Variants in RBPJ observed in about 807,000 individuals in gnomAD.
RBPJ encodes recombination signal binding protein for immunoglobulin kappa J region.
In RBPJ, 9 loss-of-function variants were observed where a neutral mutation model predicts 67.8. The ratio of observed to expected loss-of-function variants is 0.13; its 90% CI spans 0.08 to 0.23. The LOEUF (loss-of-function observed/expected upper bound fraction) is 0.23. Among genes scored for constraint, RBPJ ranks in the 10% least tolerant of loss-of-function variants. RBPJ has a pLI of 1.00. For missense variants in RBPJ, 305 were observed against 595.6 expected (o/e 0.51, Z 5.08); for synonymous variants, 198 against 203.3 (o/e 0.97, Z 0.22).
chr4:26,311,360 A>G (rs1162479132), intron 1 of RBPJ, among the ~76,000 whole-genome samples: 2 of 152,066 alleles, frequency 1.3e-5, no homozygotes, highest in African/African-American at 4.8e-5. Flanking sequence ...AACATGATCA[A>G]TTCCTATCTC....
intron 1 of RBPJ, among the ~76,000 whole-genome samples, chr4:26,307,148 TA>T (rs1722263778): frequency 6.6e-6 from 1 of 152,162 alleles, no homozygotes; most frequent in South Asian, 2.1e-4. Flanking sequence ...GGCACATCTG[TA>T]AAAACAGGAA....
At position 26,431,223 on chromosome 4, in the gene RBPJ, C is replaced by CAAAAAAAAAAAAAAAAAAGA. The variant is rs1736207811; in HGVS notation, c.*220_*221insAAAAAAAAAAAAAAGAAAAA. 1 of 348,400 alleles carries CAAAAAAAAAAAAAAAAAAGA rather than the reference C, an allele frequency of 2.9e-6. No individual in the cohort carries two copies. The highest frequency in any genetic ancestry group is 4.8e-6 in the Non-Finnish European group (1 of 207,584). 21.6% of individuals were successfully genotyped at this position (348,400 alleles called of 1,614,324 possible). A position where few individuals can be genotyped will look rare whatever the true frequency, so the allele number is the denominator to read the frequency against. On this transcript the variant is annotated 3_prime_UTR_variant, in exon 11 of 11. Transcript: ENST00000355476. ...AAAAAAAAAAAAAAGAAAAAAAAATCAAAATGTATAAATATTGGAAATCAA... is the reference window on the plus strand; with the variant it reads ...AAAAAAAAAAAAAAGAAAAAAAAATCAAAAAAAAAAAAAAAAAAGAAAAATGTATAAATATTGGAAATCAA...
rs190209735 is a variant in RBPJ, at chr4:26,379,167, G to T, written c.21-7186G>T. On this transcript the variant is annotated intron_variant, in intron 1 of 10. Transcript: ENST00000355476. ...CATGTCTTTGAAATCTACCCCATAG[G>T]ATGTGGGTTTTTTTGTTTTTGTTTT... is the stretch of plus-strand genomic sequence containing the variant. 4.9e-3 allele frequency among the ~76,000 whole-genome samples: 748 copies of T among 152,208 alleles called. 3 individuals are homozygous for T. Among genetic ancestry groups the T allele is most frequent in the Middle Eastern group, 0.01 (3 of 294 alleles).
chr4:26,337,149 T>A (rs984488396), intron 1 of RBPJ, among the ~76,000 whole-genome samples: 15 of 150,144 alleles, frequency 1.0e-4, no homozygotes, highest in East Asian at 3.9e-4. Flanking sequence ...TTTTTTTTTT[T>A]AAATAAAGAC....
chr4:26,142,408 A>G, the RBPJ span, among the ~76,000 whole-genome samples: 1 of 152,320 alleles, frequency 6.6e-6, no homozygotes, highest in Admixed American at 6.5e-5. Context: ...GATGCAGTTG[A>G]GCTCAATCCA....
At chr4:26,296,005 C>T (rs551172078) in intron 1 of RBPJ, among the ~76,000 whole-genome samples, 2 of 152,142 alleles carry the variant, frequency 1.3e-5, no homozygotes, top group African/African-American at 2.4e-5. Flanking sequence ...TATAAGAGCA[C>T]CTGAATTAAT....
At chr4:26,131,949 C>T in the RBPJ span, among the ~76,000 whole-genome samples, 10 of 152,228 alleles carry the variant, frequency 6.6e-5, no homozygotes, top group South Asian at 1.0e-3. Context: ...AGACTATTAG[C>T]GGGGTAGGGT....
intron 1 of RBPJ, among the ~76,000 whole-genome samples, chr4:26,181,364 A>G (rs1716985092): frequency 6.6e-6 from 1 of 152,222 alleles, no homozygotes; most frequent in African/African-American, 2.4e-5. Flanking sequence ...AAATTAAAGA[A>G]GACCGCATTC....
intron 1 of RBPJ, among the ~76,000 whole-genome samples, chr4:26,208,550 G>A (rs1386857917): frequency 6.6e-6 from 1 of 152,164 alleles, no homozygotes; most frequent in East Asian, 1.9e-4. Flanking sequence ...AAGTAAGAGG[G>A]AGACAAACTG....
chr4:26,248,027 C>T (rs1376059603), intron 1 of RBPJ, among the ~76,000 whole-genome samples: 2 of 152,124 alleles, frequency 1.3e-5, no homozygotes, highest in Non-Finnish European at 2.9e-5. Flanking sequence ...GGCATGGTGG[C>T]TAACTCCTAT....
chr4:26,379,767 G>A (rs139604209), intron 1 of RBPJ, among the ~76,000 whole-genome samples: 2 of 152,280 alleles, frequency 1.3e-5, no homozygotes, highest in East Asian at 3.9e-4. Context: ...AGAGATGGGG[G>A]TCTTGCTTTA....
intron 1 of RBPJ, among the ~76,000 whole-genome samples, chr4:26,271,077 T>A (rs1357137574): frequency 6.6e-6 from 1 of 152,220 alleles, no homozygotes; most frequent in Non-Finnish European, 1.5e-5. Flanking sequence ...ATTTATTTTT[T>A]AAATTTGCTT....
intron 1 of RBPJ, among the ~76,000 whole-genome samples, chr4:26,286,217 G>A (rs1410961518): frequency 2.0e-5 from 3 of 151,952 alleles, no homozygotes; most frequent in Non-Finnish European, 4.4e-5. Context: ...GATGACTAGC[G>A]CCTGTAATCC....
At chr4:26,352,990 G>A (rs1385558683) in intron 1 of RBPJ, among the ~76,000 whole-genome samples, 1 of 152,188 alleles carries the variant, frequency 6.6e-6, no homozygotes, top group East Asian at 1.9e-4. Flanking sequence ...ATAGTGGAAA[G>A]TGTAACAATT....
chr4:26,140,153 A>T, the RBPJ span, among the ~76,000 whole-genome samples: 1 of 152,154 alleles, frequency 6.6e-6, no homozygotes, highest in Non-Finnish European at 1.5e-5. Context: ...GTACTACGTA[A>T]ATGTCACACA....
chr4:26,291,853 G>C (rs1721681480), intron 1 of RBPJ, among the ~76,000 whole-genome samples: 1 of 150,896 alleles, frequency 6.6e-6, no homozygotes, highest in Non-Finnish European at 1.5e-5. Flanking sequence ...TGGGATTATA[G>C]GTGTGAGTCA....
At chr4:26,406,118 G>C in intron 2 of RBPJ, 57 bp from the exon 3 acceptor site, 1 of 1,147,158 alleles carries the variant, frequency 8.7e-7, no homozygotes, top group Non-Finnish European at 1.3e-6. Flanking sequence ...TAGTAATGAT[G>C]AAAGATTTCA....
chr4:26,280,807 C>T (rs1328788743), intron 1 of RBPJ, among the ~76,000 whole-genome samples: 1 of 152,086 alleles, frequency 6.6e-6, no homozygotes, highest in Non-Finnish European at 1.5e-5. Flanking sequence ...TTGGAGACTT[C>T]CCATGTGCTA....
intron 1 of RBPJ, among the ~76,000 whole-genome samples, chr4:26,218,088 C>T (rs936484776): frequency 6.6e-6 from 1 of 152,168 alleles, no homozygotes; most frequent in Non-Finnish European, 1.5e-5. Flanking sequence ...GATCCAAGTC[C>T]CACTTCACAT....
Sources: gnomAD v4.1 joint callset for allele counts (sites outside exome capture counted in the v4.1 genomes callset) on GRCh38, gnomAD v4.1.1 for gene constraint, MANE v1.5 for transcripts, NCBI Gene and HGNC (gene_info 2026-07-23, HGNC 2026-07-21) for gene names.